Variants in GRIA1 observed in about 807,000 individuals in gnomAD.
The protein encoded by GRIA1 is glutamate ionotropic receptor AMPA type subunit 1.
A neutral mutation model predicts 99.2 loss-of-function variants in GRIA1; 31 were observed. The ratio of observed to expected loss-of-function variants is 0.31; its 90% confidence interval spans 0.23 to 0.42. The LOEUF (loss-of-function observed/expected upper bound fraction) is 0.42. GRIA1 is among the 10% of genes least tolerant of loss of function. GRIA1 has a pLI of 1.00. For missense variants in GRIA1, 782 were observed against 1,157.5 expected (o/e 0.68, Z 4.71); for synonymous variants, 438 against 432.4 (o/e 1.01, Z -0.16).
intron 4 of GRIA1, among the ~76,000 whole-genome samples, chr5:153,653,201 A>C (rs528328440): frequency 6.6e-6 from 1 of 152,350 alleles, no homozygotes; most frequent in East Asian, 1.9e-4. Context: ...GGAATCAATG[A>C]AGCCTCTAAG....
chr5:153,533,135 C>T (rs1000447953), intron 2 of GRIA1, among the ~76,000 whole-genome samples: 6 of 152,152 alleles, frequency 3.9e-5, no homozygotes, highest in African/African-American at 1.4e-4. Flanking sequence ...TCTGAGCTGA[C>T]CTTAAAGATA....
chr5:153,576,535 A>G (rs531003114), intron 2 of GRIA1, among the ~76,000 whole-genome samples: 2 of 152,200 alleles, frequency 1.3e-5, no homozygotes, highest in Non-Finnish European at 2.9e-5. Flanking sequence ...CATTTCCTGA[A>G]TTGTTTCCCT....
intron 12 of GRIA1, among the ~76,000 whole-genome samples, chr5:153,767,248 G>C (rs929304230): frequency 6.6e-6 from 1 of 152,160 alleles, no homozygotes; most frequent in Admixed American, 6.5e-5. Flanking sequence ...AATCTCCACG[G>C]CAACACTGTG....
intron 2 of GRIA1, among the ~76,000 whole-genome samples, chr5:153,499,613 CAAAAAAAA>C (rs70976100): frequency 1.4e-4 from 6 of 42,126 alleles, no homozygotes; most frequent in African/African-American, 1.9e-4. Flanking sequence ...GAATTTGTCT[CAAAAAAAA>C]AAAAAAAAAA....
chr5:153,724,427 C>A (rs1760340939), intron 11 of GRIA1, among the ~76,000 whole-genome samples: 2 of 152,156 alleles, frequency 1.3e-5, no homozygotes, highest in African/African-American at 4.8e-5. Context: ...GAGAGGAAGG[C>A]TTCAGACGAT....
chr5:153,660,957 C>G (rs1273372073), intron 5 of GRIA1, among the ~76,000 whole-genome samples: 1 of 152,152 alleles, frequency 6.6e-6, no homozygotes, highest in Non-Finnish European at 1.5e-5. Context: ...GGAACCAGGA[C>G]AGTTGGCCAT....
intron 13 of GRIA1, among the ~76,000 whole-genome samples, chr5:153,772,339 G>A (rs962130164): frequency 1.3e-5 from 2 of 151,682 alleles, no homozygotes; most frequent in Non-Finnish European, 1.5e-5. Flanking sequence ...GAGTAGTTGA[G>A]GCAGAATAAA....
At chr5:153,653,475 G>GTAACACAGTAAAC (rs1302667413) in intron 4 of GRIA1, among the ~76,000 whole-genome samples, 2 of 152,206 alleles carry the variant, frequency 1.3e-5, no homozygotes. Context: ...GGGAGTCAGT[G>GTAACACAGTAAAC]AAGGTTTGTG....
intron 2 of GRIA1, among the ~76,000 whole-genome samples, chr5:153,595,437 T>A (rs181076395): frequency 3.9e-5 from 6 of 152,270 alleles, no homozygotes; most frequent in Non-Finnish European, 1.5e-5. Flanking sequence ...CTTGTTTAGC[T>A]AGCTCTTTGG....
chr5:153,635,337 T>C (rs1273849794), intron 2 of GRIA1, among the ~76,000 whole-genome samples: 1 of 152,192 alleles, frequency 6.6e-6, no homozygotes, highest in Non-Finnish European at 1.5e-5. Context: ...ACTATGGGGA[T>C]TGCGGAGATG....
At chr5:153,705,585 T>C in intron 10 of GRIA1, 112 bp from the exon 11 acceptor site, 1 of 1,358,378 alleles carries the variant, frequency 7.4e-7, no homozygotes. Context: ...CCCACTCTCA[T>C]ATCCTTTAAG....
intron 10 of GRIA1, among the ~76,000 whole-genome samples, chr5:153,700,863 C>A (rs1241998650): frequency 6.6e-6 from 1 of 152,194 alleles, no homozygotes; most frequent in African/African-American, 2.4e-5. Flanking sequence ...TAAAGGAAAT[C>A]TTCCTCAGGG....
chr5:153,680,968 C>T (rs1024089512), intron 7 of GRIA1, among the ~76,000 whole-genome samples: 5 of 152,286 alleles, frequency 3.3e-5, no homozygotes, highest in African/African-American at 1.2e-4. Flanking sequence ...CAGAACTCTC[C>T]TGCGTTAGTC....
At chr5:153,790,978 A>C (rs1336051132) in intron 13 of GRIA1, among the ~76,000 whole-genome samples, 1 of 152,182 alleles carries the variant, frequency 6.6e-6, no homozygotes, top group African/African-American at 2.4e-5. Context: ...AACATGTGAA[A>C]TACAACCTTT....
At chr5:153,599,580 T>C (rs1241688160) in intron 2 of GRIA1, among the ~76,000 whole-genome samples, 4 of 152,242 alleles carry the variant, frequency 2.6e-5, no homozygotes, top group African/African-American at 7.2e-5. Context: ...GTAAATACTA[T>C]GTAAATAGCT....
At chr5:153,633,334 T>C (rs1490883701) in intron 2 of GRIA1, among the ~76,000 whole-genome samples, 3 of 152,218 alleles carry the variant, frequency 2.0e-5, no homozygotes, top group Non-Finnish European at 4.4e-5. Context: ...AGCAGGGATA[T>C]ACAAAGGGAA....
intron 12 of GRIA1, among the ~76,000 whole-genome samples, chr5:153,765,056 T>C (rs756576167): frequency 2.6e-5 from 4 of 151,734 alleles, no homozygotes; most frequent in East Asian, 1.9e-4. Flanking sequence ...GTTGACTTGA[T>C]GAATAAGAGG....
chr5:153,649,460 G>T (rs1457820155), intron 3 of GRIA1, among the ~76,000 whole-genome samples: 1 of 151,984 alleles, frequency 6.6e-6, no homozygotes, highest in African/African-American at 2.4e-5. Flanking sequence ...TAGTTAGTTA[G>T]TTAGTTAGTT....
chr5:153,767,324 G>A (rs917518113), intron 12 of GRIA1, among the ~76,000 whole-genome samples: 1 of 152,150 alleles, frequency 6.6e-6, no homozygotes, highest in African/African-American at 2.4e-5. Context: ...TATGCTACTT[G>A]CCCAACGTCT....
Sources: gnomAD v4.1 joint callset for allele counts (sites outside exome capture counted in the v4.1 genomes callset) on GRCh38, gnomAD v4.1.1 for gene constraint, MANE v1.5 for transcripts, NCBI Gene and HGNC (gene_info 2026-07-23, HGNC 2026-07-21) for gene names.